MAP3K4: variants seen among roughly 807,000 people sequenced by gnomAD.
MAP3K4 encodes mitogen-activated protein kinase kinase kinase 4.
In MAP3K4, 67 loss-of-function variants were observed where a neutral mutation model predicts 185.6. The ratio of observed to expected loss-of-function variants is 0.36; its 90% CI spans 0.30 to 0.44. The LOEUF is 0.44. MAP3K4 is among the 20% of genes least tolerant of loss of function. The probability of loss-of-function intolerance (pLI) is 1.00; values close to 1 mark genes in which losing one functional copy is unlikely to be tolerated. For synonymous variants in MAP3K4, 702 were observed against 710.4 expected, an observed-to-expected ratio of 0.99 and a Z score of 0.19; for missense variants, 1,551 against 1,995.1, an observed-to-expected ratio of 0.78 and a Z score of 4.24.
At chr6:161,023,371 T>G (rs1348737654) in intron 1 of MAP3K4, among the ~76,000 whole-genome samples, 1 of 152,244 alleles carries the variant, frequency 6.6e-6, no homozygotes, top group East Asian at 1.9e-4. Context: ...TACCACATTA[T>G]GAAAAACATT....
Position 161,089,451 on chromosome 6 carries a change from A to G in MAP3K4, c.2953A>G (p.Lys985Glu). The change falls in exon 11 of 27, where the codon AAA (lysine) becomes GAA (glutamate). Residue 985 changes from lysine to glutamate, a missense_variant. Coordinates refer to ENST00000392142, the MANE Select transcript of MAP3K4 (RefSeq NM_005922.4). ...GACATCCAGTCAGCCGGTCATCGCC[A>G]AAGCTTTGCAGCAGCTGAAGGTATT... ...EQTSSQPVIA[K>E]ALQQLKNDAL... The G allele has an allele frequency of 1.2e-6, 2 of 1,614,228 alleles. No homozygotes were observed. Among genetic ancestry groups the G allele is most frequent in the East Asian group, 4.5e-5 (2 of 44,882 alleles).
Position 161,037,693 on chromosome 6 carries a change from T to G in MAP3K4, c.343+3244T>G, listed in dbSNP as rs1783240082. ...TCAGTCTCCCAAAGTGCTGGGATTA[T>G]AGGCACGAGCAACCATGACCGGTTG... On this transcript the variant is annotated intron_variant, in intron 2 of 26. Coordinates refer to ENST00000392142, the MANE Select transcript of MAP3K4 (RefSeq NM_005922.4). This position sits in a 1 kb window ranked among gnomAD's most constrained non-coding sequence, Gnocchi z 4.2. Among the ~76,000 whole-genome samples the G allele has an allele frequency of 6.6e-6, 1 of 152,176 alleles. No homozygotes were observed. Among genetic ancestry groups the G allele is most frequent in the Non-Finnish European group, 1.5e-5 (1 of 68,022 alleles).
chr6:161,000,788 T>C (rs897191440), intron 1 of MAP3K4, among the ~76,000 whole-genome samples: 1 of 148,534 alleles, frequency 6.7e-6, no homozygotes, highest in Non-Finnish European at 1.5e-5. Context: ...CACCCATATA[T>C]ACACACATGT....
chr6:161,018,416 T>C (rs1782214877), intron 1 of MAP3K4, among the ~76,000 whole-genome samples: 1 of 152,166 alleles, frequency 6.6e-6, no homozygotes, highest in African/African-American at 2.4e-5. Context: ...AAGTGGAAAG[T>C]CTTTGTTGCG....
intron 1 of MAP3K4, among the ~76,000 whole-genome samples, chr6:161,012,805 G>T (rs559763165): frequency 6.6e-6 from 1 of 152,230 alleles, no homozygotes. Context: ...ACTACACAGG[G>T]GTGGGAGGAG....
chr6:161,016,629 G>A (rs1782126890), intron 1 of MAP3K4, among the ~76,000 whole-genome samples: 1 of 152,148 alleles, frequency 6.6e-6, no homozygotes, highest in African/African-American at 2.4e-5. Context: ...TGGCACCCCA[G>A]TTGAAAATCC....
rs111844968 is a variant in MAP3K4 at position 161,027,202 on chromosome 6, C to T, written c.153-7057C>T. Among the ~76,000 whole-genome samples the T allele has an allele frequency of 3.2e-3, 483 of 152,300 alleles. 4 individuals carry two copies. The highest frequency in any genetic ancestry group is 0.011 in the African/African-American group (463 of 41,568). The stretch of plus-strand genomic sequence containing the variant: ...ATAGCTAATAGTCTACTCTAGAATA[C>T]AGAATGTGATACAGGCAGTGATTTT... On this transcript the variant is annotated intron_variant, in intron 1 of 26. Transcript: ENST00000392142.
rs1292706970 is a variant in MAP3K4, at chr6:161,017,207, A to G, written c.153-17052A>G. ...ATTATTCTTGGTAGAGGAGGGATAC[A>G]TTTGTATAATTAAATGTAGGTTTTC... On this transcript the variant is annotated intron_variant, in intron 1 of 26. Coordinates refer to ENST00000392142, the MANE Select transcript of MAP3K4 (RefSeq NM_005922.4). The surrounding 1 kb of genome is among the most constrained non-coding windows in gnomAD (Gnocchi z 5.1). Among the ~76,000 whole-genome samples the G allele has an allele frequency of 4.6e-5, 7 of 152,196 alleles. No individual in the cohort carries two copies. Among genetic ancestry groups the G allele is most frequent in the Admixed American group, 2.6e-4 (4 of 15,284 alleles).
Position 161,106,689 on chromosome 6 carries a change from A to G in MAP3K4, c.4032A>G (p.Gln1344=), listed in dbSNP as rs748063302. 1 of 1,609,444 alleles carries G rather than the reference A, an allele frequency of 6.2e-7. No individual in the cohort carries two copies. The highest frequency in any genetic ancestry group is 8.5e-7 in the Non-Finnish European group (1 of 1,177,870). ...TGAGGAAGGTGACCTTCAAATGGCA[A>G]AGAGGAAACAAAATTGGTAAGGAAA... ...VGLRKVTFKW[Q]RGNKIGEGQY... is the part of the protein sequence containing the mutation. The change falls in exon 20 of 27, where the codon CAA becomes CAG. Residue 1344 remains glutamine (Q), a synonymous_variant. Transcript: ENST00000392142. This position sits in a 1 kb window ranked among gnomAD's most constrained non-coding sequence, Gnocchi z 4.9.
At chr6:161,032,023 T>C (rs1267407606) in intron 1 of MAP3K4, among the ~76,000 whole-genome samples, 3 of 152,234 alleles carry the variant, frequency 2.0e-5, no homozygotes, top group Admixed American at 1.3e-4. Flanking sequence ...TGCTATAGTT[T>C]CCTGGCAGTT....
chr6:161,110,378 T>C lies in MAP3K4; in HGVS notation c.4396+464T>C, dbSNP rs1373311247. On this transcript the variant is annotated intron_variant, in intron 23 of 26. Coordinates refer to ENST00000392142, the MANE Select transcript of MAP3K4 (RefSeq NM_005922.4). This position sits in a 1 kb window ranked among gnomAD's most constrained non-coding sequence, Gnocchi z 4.8. ...GGGTTTGTTTACACAAACCTTGAAA[T>C]TGAGTTCTGCTGAAGGTTATTTTGG... Among the ~76,000 whole-genome samples the C allele has an allele frequency of 6.6e-6, 1 of 152,178 alleles. No individual in the cohort carries two copies. The highest frequency in any genetic ancestry group is 2.4e-5 in the African/African-American group (1 of 41,426).
chr6:161,113,209 C>T (rs983215666), intron 25 of MAP3K4, among the ~76,000 whole-genome samples: 1 of 152,106 alleles, frequency 6.6e-6, no homozygotes, highest in Non-Finnish European at 1.5e-5. Context: ...AACACCCTGT[C>T]GAGCCACAGA....
At chr6:161,020,478 T>G (rs1272972563) in intron 1 of MAP3K4, among the ~76,000 whole-genome samples, 2 of 152,032 alleles carry the variant, frequency 1.3e-5, no homozygotes, top group Non-Finnish European at 2.9e-5. Context: ...GCCAACATGG[T>G]GAAACTCCGT....
In MAP3K4 at chr6:161,063,453, TAAAGG is replaced by T. The variant is rs1291638668; in HGVS notation, c.1708-7153_1708-7149del. On this transcript the variant is annotated intron_variant, in intron 3 of 26. Transcript: ENST00000392142. This position sits in a 1 kb window ranked among gnomAD's most constrained non-coding sequence, Gnocchi z 5.4. ...AACATGATACTTGTTTCCATGAACT[TAAAGG>T]AGAGAGGGAGTTAGGAAAGTGTTTG... 6.6e-6 allele frequency among the ~76,000 whole-genome samples: 1 copy of T among 152,150 alleles called. No individual in the cohort carries two copies. The highest frequency in any genetic ancestry group is 2.4e-5 in the African/African-American group (1 of 41,434).
Position 161,098,271 on chromosome 6 carries a change from G to T in MAP3K4, c.3525-7G>T, listed in dbSNP as rs774737445. 8.1e-6 allele frequency: 13 copies of T among 1,610,768 alleles called. No individual in the cohort carries two copies. Among genetic ancestry groups the T allele is most frequent in the Non-Finnish European group, 1.1e-5 (13 of 1,178,442 alleles). On this transcript the variant is annotated splice_polypyrimidine_tract_variant and splice_region_variant and intron_variant, in intron 16 of 26. Transcript: ENST00000392142. The surrounding 1 kb of genome is among the most constrained non-coding windows in gnomAD (Gnocchi z 4.4). ...ATGTGTTCCTGAAGCTTTTCTTCTTGTCTTAGCACTCGGAGCATGCCTTCC... is the reference window on the plus strand; with the variant it reads ...ATGTGTTCCTGAAGCTTTTCTTCTTTTCTTAGCACTCGGAGCATGCCTTCC...
rs1174816180 is a variant in MAP3K4 at position 161,098,804 on chromosome 6, A to G, written c.3674+377A>G. Among the ~76,000 whole-genome samples, 1 of 152,158 alleles carries G rather than the reference A, an allele frequency of 6.6e-6. No individual in the cohort carries two copies. Among genetic ancestry groups the G allele is most frequent in the Admixed American group, 6.5e-5 (1 of 15,282 alleles). On this transcript the variant is annotated intron_variant, in intron 17 of 26. Coordinates refer to ENST00000392142, the MANE Select transcript of MAP3K4 (RefSeq NM_005922.4). This position sits in a 1 kb window ranked among gnomAD's most constrained non-coding sequence, Gnocchi z 4.4. ...AAGATGGCATCTAGTTAATGATCTG[A>G]TGTGGTAACATTTTATTTTTTGGGA...
Position 161,107,058 on chromosome 6 carries a change from A to C in MAP3K4, c.4048+353A>C, listed in dbSNP as rs1032019911. On this transcript the variant is annotated intron_variant, in intron 20 of 26. Coordinates refer to ENST00000392142, the MANE Select transcript of MAP3K4 (RefSeq NM_005922.4). The surrounding 1 kb of genome is among the most constrained non-coding windows in gnomAD (Gnocchi z 6.2). Reference sequence around the variant, plus strand: ...TCTCTACACACGCGCGCGCACACACACACACACACACACACACACACGCAG... The same window carrying C: ...TCTCTACACACGCGCGCGCACACACCCACACACACACACACACACACGCAG... 6.6e-6 allele frequency among the ~76,000 whole-genome samples: 1 copy of C among 151,714 alleles called. No homozygotes were observed. The highest frequency in any genetic ancestry group is 1.5e-5 in the Non-Finnish European group (1 of 67,912).
At chr6:161,032,518 C>T (rs1782978227) in intron 1 of MAP3K4, among the ~76,000 whole-genome samples, 3 of 152,284 alleles carry the variant, frequency 2.0e-5, no homozygotes, top group Middle Eastern at 6.8e-3. Flanking sequence ...TGTCCAAGGT[C>T]CACCCAGCTA....
chr6:161,088,857 C>A lies in MAP3K4; in HGVS notation c.2824-465C>A, dbSNP rs1220123932. Reference sequence around the variant, plus strand: ...TAATACATCTGATTGCATCACAGATCTACTTAAAATACTGCAAAGATTCTT... The same window carrying A: ...TAATACATCTGATTGCATCACAGATATACTTAAAATACTGCAAAGATTCTT... On this transcript the variant is annotated intron_variant, in intron 10 of 26. Transcript: ENST00000392142. This position sits in a 1 kb window ranked among gnomAD's most constrained non-coding sequence, Gnocchi z 4.5. Among the ~76,000 whole-genome samples the A allele has an allele frequency of 2.0e-5, 3 of 152,156 alleles. No individual in the cohort carries two copies. The highest frequency in any genetic ancestry group is 4.4e-5 in the Non-Finnish European group (3 of 68,036).
Sources: gnomAD v4.1 joint callset for allele counts (sites outside exome capture counted in the v4.1 genomes callset) on GRCh38, gnomAD v4.1.1 for gene constraint, Gnocchi (gnomAD v3.1) non-coding constraint, MANE v1.5 for transcripts, NCBI Gene and HGNC (gene_info 2026-07-23, HGNC 2026-07-21) for gene names.